The following ADAMTSL1 variants were observed in gnomAD, a reference collection of about 807,000 sequenced individuals.
ADAMTSL1 encodes the protein ADAMTS-like protein 1.
In ADAMTSL1, 126 loss-of-function variants were observed where a neutral mutation model predicts 201.8. That is an observed-to-expected ratio of 0.62 (90% CI 0.54 to 0.72). The LOEUF (loss-of-function observed/expected upper bound fraction) is 0.72, where lower values mean the gene tolerates loss of function less well. Ranked by LOEUF, ADAMTSL1 falls within the 30% of genes least tolerant of loss-of-function variation. The pLI is 0.00. For synonymous variants in ADAMTSL1, 1,121 were observed against 903.4 expected (o/e 1.24, Z -4.32); for missense variants, 2,679 against 2,277.8 (o/e 1.18, Z -3.59).
At chr9:18,047,845 A>C (rs1821740443) in intron 1 of ADAMTSL1, among the ~76,000 whole-genome samples, 2 of 152,232 alleles carry the variant, frequency 1.3e-5, no homozygotes, top group Non-Finnish European at 2.9e-5. Flanking sequence ...GTTCAGTTTT[A>C]GTTTGTTGAC....
intron 1 of ADAMTSL1, among the ~76,000 whole-genome samples, chr9:18,118,053 C>A (rs540331222): frequency 6.6e-6 from 1 of 152,280 alleles, no homozygotes; most frequent in South Asian, 2.1e-4. Flanking sequence ...GTATTGTTAT[C>A]TGAAGCACAA....
chr9:18,319,625 A>G (rs1471610904), intron 2 of ADAMTSL1, among the ~76,000 whole-genome samples: 5 of 152,184 alleles, frequency 3.3e-5, no homozygotes, highest in Non-Finnish European at 5.9e-5. Context: ...TAGCTCCCCC[A>G]TCCAGGAGGG....
chr9:18,024,257 A>G (rs1003239782), intron 1 of ADAMTSL1, among the ~76,000 whole-genome samples: 2 of 152,088 alleles, frequency 1.3e-5, no homozygotes, highest in African/African-American at 4.8e-5. Context: ...TTTATTTATT[A>G]TCTTTTTATT....
At chr9:18,104,663 C>T (rs73420872) in intron 1 of ADAMTSL1, among the ~76,000 whole-genome samples, 3,533 of 152,150 alleles carry the variant, frequency 0.023, 150 homozygotes, top group African/African-American at 0.08. Flanking sequence ...AGGTGATGGG[C>T]GCACTAAAAG....
intron 2 of ADAMTSL1, among the ~76,000 whole-genome samples, chr9:18,179,375 G>T (rs533411272): frequency 3.3e-5 from 5 of 152,312 alleles, no homozygotes; most frequent in East Asian, 1.9e-4. Flanking sequence ...ATGGGACTAC[G>T]TGAAAAGACC....
intron 1 of ADAMTSL1, among the ~76,000 whole-genome samples, chr9:17,982,968 A>T (rs573769932): frequency 6.7e-6 from 1 of 150,342 alleles, no homozygotes; most frequent in African/African-American, 2.4e-5. Context: ...ATCCTCAGAG[A>T]TTGTGAGTTA....
intron 4 of ADAMTSL1, among the ~76,000 whole-genome samples, chr9:18,614,705 C>G (rs563475083): frequency 3.1e-4 from 47 of 152,096 alleles, no homozygotes; most frequent in Non-Finnish European, 5.4e-4. Context: ...TGAGACCAAG[C>G]CTACCACCTA....
chr9:18,496,037 T>A lies in ADAMTSL1; in HGVS notation c.64-8792T>A, dbSNP rs527797960. 2.8e-4 allele frequency among the ~76,000 whole-genome samples: 43 copies of A among 152,314 alleles called. No homozygotes were observed. The South Asian group carries it at 8.9e-3, about 32-fold the overall frequency. On this transcript the variant is annotated intron_variant, in intron 1 of 28. Coordinates refer to ENST00000380548, the MANE Select transcript of ADAMTSL1 (RefSeq NM_001040272.6). ...ATGACATTCTTAATAATTATTTCAA[T>A]AACTGTAGATAACTCAAAAATAGAA...
intron 2 of ADAMTSL1, among the ~76,000 whole-genome samples, chr9:18,353,986 A>G (rs1836091843): frequency 6.6e-6 from 1 of 151,018 alleles, no homozygotes; most frequent in African/African-American, 2.4e-5. Context: ...ATCTTTCCAG[A>G]GATTTTCTAT....
intron 7 of ADAMTSL1, among the ~76,000 whole-genome samples, chr9:18,649,373 C>A (rs1828043834): frequency 6.6e-6 from 1 of 152,100 alleles, no homozygotes; most frequent in African/African-American, 2.4e-5. Flanking sequence ...CGTCTGAAGC[C>A]TTCTTCTCTC....
intron 4 of ADAMTSL1, among the ~76,000 whole-genome samples, chr9:18,579,630 A>G (rs1342708568): frequency 6.6e-6 from 1 of 152,146 alleles, no homozygotes; most frequent in East Asian, 1.9e-4. Flanking sequence ...ATGATTTAAT[A>G]TGGGTACACA....
chr9:18,044,500 G>C (rs938328613), intron 1 of ADAMTSL1, among the ~76,000 whole-genome samples: 1 of 152,108 alleles, frequency 6.6e-6, no homozygotes, highest in Non-Finnish European at 1.5e-5. Context: ...TTGGTGTAGG[G>C]ACTTGTAGGC....
At chr9:17,989,968 CT>C in intron 1 of ADAMTSL1, among the ~76,000 whole-genome samples, 1 of 140,686 alleles carries the variant, frequency 7.1e-6, no homozygotes, top group Non-Finnish European at 1.5e-5. Context: ...TAAAAATCTT[CT>C]TGATGTAAGA....
At chr9:18,873,241 C>A (rs1345778370) in intron 23 of ADAMTSL1, among the ~76,000 whole-genome samples, 1 of 152,158 alleles carries the variant, frequency 6.6e-6, no homozygotes, top group Admixed American at 6.5e-5. Context: ...TTCTCCCACT[C>A]TGCGAGCTTC....
intron 12 of ADAMTSL1, 142 bp downstream of exon 12, chr9:18,682,101 G>T: frequency 9.9e-7 from 1 of 1,008,964 alleles, no homozygotes; most frequent in Non-Finnish European, 1.4e-6. Flanking sequence ...AAAGGAATTT[G>T]ATTATCTTAA....
chr9:18,283,041 G>A (rs1298043052), intron 2 of ADAMTSL1, among the ~76,000 whole-genome samples: 2 of 152,188 alleles, frequency 1.3e-5, no homozygotes, highest in Non-Finnish European at 2.9e-5. Context: ...TTGTTTAAAA[G>A]AAGAGAATTG....
chr9:18,776,810 C>G lies in ADAMTSL1; in HGVS notation c.2581C>G (p.Pro861Ala), dbSNP rs1336126430. Reference sequence around the variant, plus strand: ...CGGGCGGCCATCCACGAAGCACAGCCCGCACATCGCGGCCGCCAGGAAGGT... The same window carrying G: ...CGGGCGGCCATCCACGAAGCACAGCGCGCACATCGCGGCCGCCAGGAAGGT... The part of the protein sequence containing the change: ...RPGRPSTKHS[P>A]HIAAARKVYI... The change falls in exon 19 of 29, where the codon CCG (proline) becomes GCG (alanine). Residue 861 changes from proline (P) to alanine (A), a missense_variant. Coordinates refer to ENST00000380548, the MANE Select transcript of ADAMTSL1 (RefSeq NM_001040272.6). The G allele has an allele frequency of 6.4e-7, 1 of 1,563,432 alleles. No individual in the cohort carries two copies. The highest frequency in any genetic ancestry group is 1.7e-4 in the Middle Eastern group (1 of 6,010).
intron 13 of ADAMTSL1, among the ~76,000 whole-genome samples, chr9:18,702,538 AT>A (rs971095613): frequency 2.6e-5 from 4 of 152,098 alleles, no homozygotes; most frequent in Non-Finnish European, 4.4e-5. Context: ...TAAAGAATAT[AT>A]TTTTTTCTTA....
chr9:18,330,021 G>A (rs1439927611), intron 2 of ADAMTSL1, among the ~76,000 whole-genome samples: 1 of 152,150 alleles, frequency 6.6e-6, no homozygotes, highest in African/African-American at 2.4e-5. Flanking sequence ...ATCTGCATAA[G>A]GGGGTTAAAA....
Sources: gnomAD v4.1 joint callset for allele counts (sites outside exome capture counted in the v4.1 genomes callset) on GRCh38, gnomAD v4.1.1 for gene constraint, MANE v1.5 for transcripts, NCBI Gene and HGNC (gene_info 2026-07-23, HGNC 2026-07-21) for gene names.